Variants in CCDC92B observed in about 807,000 individuals in gnomAD.
CCDC92B encodes the protein coiled-coil domain containing 92B, also known as coiled-coil domain-containing 92B.
CCDC92B carries 2 observed loss-of-function variants against 5.6 expected under a neutral mutation model. The ratio of observed to expected loss-of-function variants is 0.36; its 90% CI spans 0.15 to 1.12. The LOEUF (loss-of-function observed/expected upper bound fraction) is 1.12, where lower values mean the gene tolerates loss of function less well. Among genes scored for constraint, CCDC92B ranks in the 50% most tolerant of loss-of-function variants. The pLI, the probability that CCDC92B is intolerant of heterozygous loss-of-function variation, is 0.40. For missense variants in CCDC92B, 271 were observed against 262.2 expected, an observed-to-expected ratio of 1.03 and a Z score of -0.23; for synonymous variants, 115 against 122.3, an observed-to-expected ratio of 0.94 and a Z score of 0.39.
rs35413178 is a variant in CCDC92B, at chr17:2,733,031, A to AAAAT, written c.130+1981_130+1984dup. On this transcript the variant is annotated intron_variant, in intron 2 of 3. Transcript: ENST00000614400. ...CTGTCTCAAAATAAATAAATAAATA[A>AAAAT]AAATAAATAAATAAATAAATAAATA... 8.3e-3 allele frequency among the ~76,000 whole-genome samples: 1,204 copies of AAAAT among 144,260 alleles called. 17 individuals are homozygous for AAAAT. Among genetic ancestry groups the AAAAT allele is most frequent in the African/African-American group, 0.02 (815 of 39,808 alleles). 94.6% of individuals were successfully genotyped at this position (144,260 alleles called of 152,430 possible). A position where few individuals can be genotyped will look rare whatever the true frequency, so the allele number is the denominator to read the frequency against.
chr17:2,737,641 T>C (rs2070872036), intron 1 of CCDC92B, among the ~76,000 whole-genome samples: 1 of 150,492 alleles, frequency 6.6e-6, no homozygotes, highest in Non-Finnish European at 1.5e-5. Context: ...CCGGCTAATT[T>C]TATTTTTGTA....
intron 1 of CCDC92B, among the ~76,000 whole-genome samples, chr17:2,736,740 G>A (rs567468010): frequency 3.2e-4 from 48 of 151,938 alleles, no homozygotes; most frequent in African/African-American, 1.0e-3. Flanking sequence ...TTAGCTGGGC[G>A]TGGTGGGGCA....
In CCDC92B at chr17:2,724,865, A is replaced by G. The variant is rs2151736165; in HGVS notation, c.314T>C (p.Leu105Pro). The G allele has an allele frequency of 1.0e-6, 1 of 985,054 alleles. No individual in the cohort carries two copies. Among genetic ancestry groups the G allele is most frequent in the Non-Finnish European group, 1.2e-6 (1 of 829,768 alleles). The allele number at this position is 985,054 out of a possible 1,614,324, so 61.0% of individuals were successfully genotyped here. A position where few individuals can be genotyped will look rare whatever the true frequency, so the allele number is the denominator to read the frequency against. The change falls in exon 4 of 4, where the codon CTG becomes CCG. Residue 105 changes from leucine to proline, a missense_variant. By Grantham distance (98) the Leu-to-Pro change is moderately conservative. Transcript: ENST00000614400. This position sits in a 1 kb window ranked among gnomAD's most constrained non-coding sequence, Gnocchi z 5.0. ...CAGGAAGCGGCGCTCCTCGGTGCGC[A>G]GGCTGCAGCGCAGCGCGGACACCAG... ...EALVSALRCS[L>P]RTEERRFLEE...
chr17:2,726,913 CTTT>C (rs564106911), intron 3 of CCDC92B, among the ~76,000 whole-genome samples: 5 of 135,532 alleles, frequency 3.7e-5, no homozygotes, highest in African/African-American at 5.5e-5. Flanking sequence ...ACGCCCAGCC[CTTT>C]TTTTTTTTTT....
Position 2,721,588 on chromosome 17 carries a change from C to T in CCDC92B, c.*2823G>A, listed in dbSNP as rs1467512784. ...GGCCATGCACTCCAGCTCCCAGTCT[C>T]GTTCTGCTGCACAGAGGGTTCTGTG... On this transcript the variant is annotated 3_prime_UTR_variant, in exon 4 of 4. Coordinates refer to ENST00000614400, the MANE Select transcript of CCDC92B (RefSeq NM_001355573.2). 1.3e-5 allele frequency: 2 copies of T among 152,270 alleles called. No homozygotes were observed. Among genetic ancestry groups the T allele is most frequent in the Admixed American group, 6.5e-5 (1 of 15,282 alleles). The allele number at this position is 152,270 out of a possible 1,614,324, so 9.4% of individuals were successfully genotyped here. A position where few individuals can be genotyped will look rare whatever the true frequency, so the allele number is the denominator to read the frequency against.
At chr17:2,733,031 AAAATAAATAAAT>A (rs35413178) in intron 2 of CCDC92B, among the ~76,000 whole-genome samples, 10 of 144,192 alleles carry the variant, frequency 6.9e-5, no homozygotes, top group East Asian at 2.0e-4. Context: ...TAAATAAATA[AAAATAAATAAAT>A]AAATAAATAA....
intron 3 of CCDC92B, among the ~76,000 whole-genome samples, chr17:2,726,403 C>T (rs1404268158): frequency 2.0e-5 from 3 of 150,598 alleles, no homozygotes; most frequent in East Asian, 2.0e-4. Context: ...AGGATGGTTT[C>T]GATCTCCTGA....
chr17:2,728,500 G>A (rs2070759550), intron 3 of CCDC92B, among the ~76,000 whole-genome samples: 1 of 152,026 alleles, frequency 6.6e-6, no homozygotes, highest in African/African-American at 2.4e-5. Flanking sequence ...CAGCTACACG[G>A]GAGACTGAGG....
rs2070673589 is a variant in CCDC92B, at chr17:2,722,924, TG to T, written c.*1486del. ...CTGGGGGTGGGGGAATAAGCTGCGCTGAAACTGTCCTTCCTGCCTTTGGTGG... is the reference window on the plus strand; with the variant it reads ...CTGGGGGTGGGGGAATAAGCTGCGCTAAACTGTCCTTCCTGCCTTTGGTGG... On this transcript the variant is annotated 3_prime_UTR_variant, in exon 4 of 4. Transcript: ENST00000614400. The T allele has an allele frequency of 6.6e-6, 1 of 152,520 alleles. No homozygotes were observed. The highest frequency in any genetic ancestry group is 2.4e-5 in the African/African-American group (1 of 41,452). 9.4% of individuals were successfully genotyped at this position (152,520 alleles called of 1,614,324 possible).
intron 1 of CCDC92B, among the ~76,000 whole-genome samples, chr17:2,745,296 G>T (rs979245069): frequency 6.6e-6 from 1 of 151,984 alleles, no homozygotes; most frequent in African/African-American, 2.4e-5. Flanking sequence ...GAGGATGAAG[G>T]TGTGTGGGCC....
chr17:2,724,296 C>T lies in CCDC92B; in HGVS notation c.*115G>A, dbSNP rs948382806. The T allele has an allele frequency of 3.0e-6, 3 of 984,928 alleles. No homozygotes were observed. The highest frequency in any genetic ancestry group is 6.2e-5 in the Admixed American group (1 of 16,250). 61.0% of individuals were successfully genotyped at this position (984,928 alleles called of 1,614,324 possible). A position where few individuals can be genotyped will look rare whatever the true frequency, so the allele number is the denominator to read the frequency against. ...GGGGGGAGCCGGGGCCGCCTCGCCC[C>T]GCTTCCTGGAGGAGGGGCGGCTGCC... On this transcript the variant is annotated 3_prime_UTR_variant, in exon 4 of 4. Transcript: ENST00000614400. The surrounding 1 kb of genome is among the most constrained non-coding windows in gnomAD (Gnocchi z 5.0).
chr17:2,744,438 G>T (rs2070963240), intron 1 of CCDC92B, among the ~76,000 whole-genome samples: 1 of 152,036 alleles, frequency 6.6e-6, no homozygotes, highest in Non-Finnish European at 1.5e-5. Flanking sequence ...CAGTCTTCCG[G>T]CTTTGGCATC....
Position 2,724,144 on chromosome 17 carries a change from G to C in CCDC92B, c.*267C>G, listed in dbSNP as rs1054120295. 41 of 985,292 alleles carry C rather than the reference G, an allele frequency of 4.2e-5. No individual in the cohort carries two copies. Among genetic ancestry groups the C allele is most frequent in the African/African-American group, 7.0e-5 (4 of 57,256 alleles). 61.0% of individuals were successfully genotyped at this position (985,292 alleles called of 1,614,324 possible). ...AGGCAGGTGGGACCAGGCCAGGATC[G>C]GGACGGCGAGTCCTCTCGGTAGAGA... On this transcript the variant is annotated 3_prime_UTR_variant, in exon 4 of 4. Transcript: ENST00000614400. This position sits in a 1 kb window ranked among gnomAD's most constrained non-coding sequence, Gnocchi z 5.0.
Position 2,723,790 on chromosome 17 carries a change from G to T in CCDC92B, c.*621C>A. Reference sequence around the variant, plus strand: ...CTCTCCCAGGGCCCATGGAAGTTAGGCTTCCATCAGGCGCACTTTTCCCAC... The same window carrying T: ...CTCTCCCAGGGCCCATGGAAGTTAGTCTTCCATCAGGCGCACTTTTCCCAC... On this transcript the variant is annotated 3_prime_UTR_variant, in exon 4 of 4. Coordinates refer to ENST00000614400, the MANE Select transcript of CCDC92B (RefSeq NM_001355573.2). The T allele has an allele frequency of 4.5e-6, 1 of 222,966 alleles. No individual in the cohort carries two copies. Among genetic ancestry groups the T allele is most frequent in the Non-Finnish European group, 7.5e-6 (1 of 132,606 alleles). The allele number at this position is 222,966 out of a possible 1,614,324, so 13.8% of individuals were successfully genotyped here.
intron 3 of CCDC92B, among the ~76,000 whole-genome samples, chr17:2,727,615 G>A (rs1227571737): frequency 5.3e-5 from 8 of 151,956 alleles, no homozygotes; most frequent in Non-Finnish European, 8.8e-5. Context: ...CACAAGGTCA[G>A]GAGTTCGAGA....
chr17:2,734,835 T>G (rs1330516135), intron 2 of CCDC92B, among the ~76,000 whole-genome samples, 181 bp downstream of exon 2: 4 of 152,154 alleles, frequency 2.6e-5, no homozygotes, highest in Admixed American at 2.0e-4. Context: ...TCTAGAACTT[T>G]TCCAACTTCT....
chr17:2,722,152 T>G lies in CCDC92B; in HGVS notation c.*2259A>C, dbSNP rs1176336244. On this transcript the variant is annotated 3_prime_UTR_variant, in exon 4 of 4. Coordinates refer to ENST00000614400, the MANE Select transcript of CCDC92B (RefSeq NM_001355573.2). ...GTGGGAGATGAGGGTCTGTGCACGCTCCTCTGGAAAGAGACTTTGCCCTTC... is the reference window on the plus strand; with the variant it reads ...GTGGGAGATGAGGGTCTGTGCACGCGCCTCTGGAAAGAGACTTTGCCCTTC... The G allele has an allele frequency of 3.3e-5, 5 of 152,002 alleles. No homozygotes were observed. Among genetic ancestry groups the G allele is most frequent in the African/African-American group, 9.7e-5 (4 of 41,344 alleles). The allele number at this position is 152,002 out of a possible 1,614,324, so 9.4% of individuals were successfully genotyped here. A position where few individuals can be genotyped will look rare whatever the true frequency, so the allele number is the denominator to read the frequency against.
chr17:2,739,161 A>T (rs190142092), intron 1 of CCDC92B, among the ~76,000 whole-genome samples: 64 of 151,386 alleles, frequency 4.2e-4, no homozygotes, highest in African/African-American at 1.5e-3. Context: ...AGGTCAGGAG[A>T]TCGAGACCAT....
At chr17:2,734,482 C>T (rs1317092873) in intron 2 of CCDC92B, among the ~76,000 whole-genome samples, 1 of 130,112 alleles carries the variant, frequency 7.7e-6, no homozygotes, top group Non-Finnish European at 1.6e-5. Context: ...GTCCTCCACT[C>T]CCTAACCAGA....
Sources: allele counts gnomAD v4.1 joint callset (sites outside exome capture counted in the v4.1 genomes callset), GRCh38; gene constraint gnomAD v4.1.1; non-coding constraint Gnocchi (gnomAD v3.1); transcripts MANE v1.5; gene names NCBI Gene and HGNC (gene_info 2026-07-23, HGNC 2026-07-21).